Variants in HEATR1 observed in about 807,000 individuals in gnomAD.
The protein encoded by HEATR1 is HEAT repeat containing 1, also known as HEAT repeat-containing protein 1.
HEATR1 carries 77 observed loss-of-function variants against 248.2 expected under a neutral mutation model. The ratio of observed to expected loss-of-function variants is 0.31; its 90% CI spans 0.26 to 0.37. The LOEUF is 0.37. Among genes scored for constraint, HEATR1 ranks in the 10% least tolerant of loss-of-function variants. The pLI is 1.00. For missense variants in HEATR1, 2,420 were observed against 2,504.9 expected (o/e 0.97, Z 0.72); for synonymous variants, 897 against 923.1 (o/e 0.97, Z 0.51).
Position 236,549,586 on chromosome 1 carries a change from C to T in HEATR1, c.*1316G>A, listed in dbSNP as rs1662619801. On this transcript the variant is annotated 3_prime_UTR_variant, in exon 45 of 45. Coordinates refer to ENST00000366582, the MANE Select transcript of HEATR1 (RefSeq NM_018072.6). ...AGCCCTTAATTCTTTTCCAGCTTTT[C>T]ATATTAATGTATGCAGAGTCTCACC... The T allele has an allele frequency of 6.6e-6, 1 of 152,130 alleles. No individual in the cohort carries two copies. Among genetic ancestry groups the T allele is most frequent in the Non-Finnish European group, 1.5e-5 (1 of 68,044 alleles). 9.4% of individuals were successfully genotyped at this position (152,130 alleles called of 1,614,324 possible).
In HEATR1 at chr1:236,590,851, G is replaced by A. The variant is rs759640931; in HGVS notation, c.1526C>T (p.Ser509Leu). The A allele has an allele frequency of 2.1e-6, 3 of 1,457,114 alleles. No individual in the cohort carries two copies. In the Admixed American group the frequency reaches 6.5e-5, roughly 32 times the overall value. The allele number at this position is 1,457,114 out of a possible 1,614,324, so 90.3% of individuals were successfully genotyped here. A position where few individuals can be genotyped will look rare whatever the true frequency, so the allele number is the denominator to read the frequency against. The stretch of plus-strand genomic sequence containing the variant: ...AAAAAGCGATCTGAAACAAACCTTT[G>A]ATGTTTTCATGATCTTTTTCAAATG... ...MNHLKKIMKT[S>L]KEGVDESFIK... Residue 509 changes from serine (S) to leucine (L), a missense_variant, in exon 12 of 45, where the codon TCA (serine) becomes TTA (leucine). By Grantham distance (145) the Ser-to-Leu change is moderately radical. Coordinates refer to ENST00000366582, the MANE Select transcript of HEATR1 (RefSeq NM_018072.6).
chr1:236,566,959 AGATG>A, intron 29 of HEATR1, 83 bp from the exon 30 acceptor site: 1 of 853,634 alleles, frequency 1.2e-6, no homozygotes, highest in Non-Finnish European at 1.9e-6. Context: ...TAAGGCTTTT[AGATG>A]GGCCCCAAGA....
In HEATR1 at chr1:236,574,039, T is replaced by A. The variant is rs1663500218; in HGVS notation, c.3459+163A>T. 3.4e-5 allele frequency: 17 copies of A among 501,742 alleles called. 1 individual carries two copies. In the East Asian group the frequency reaches 5.9e-4, roughly 18 times the overall value. 31.1% of individuals were successfully genotyped at this position (501,742 alleles called of 1,614,324 possible). On this transcript the variant is annotated intron_variant, in intron 24 of 44. Transcript: ENST00000366582. ...ATAAAATAATGGTAAAGATTTAAAA[T>A]TTTTATTTTATGCCTCTCTCTGACT...
chr1:236,551,308 T>C (rs1662731804), intron 44 of HEATR1: 1 of 306,300 alleles, frequency 3.3e-6, no homozygotes, highest in Non-Finnish European at 6.1e-6. Flanking sequence ...GAATGTACTT[T>C]TGTAGCTTAG....
At chr1:236,577,453 T>C (rs1663592817) in intron 20 of HEATR1, among the ~76,000 whole-genome samples, 2 of 149,670 alleles carry the variant, frequency 1.3e-5, no homozygotes, top group African/African-American at 4.9e-5. Flanking sequence ...TTGCGAATGT[T>C]TTCCATAAGT....
chr1:236,575,480 C>T (rs1052131932), intron 22 of HEATR1, among the ~76,000 whole-genome samples: 3 of 152,168 alleles, frequency 2.0e-5, no homozygotes, highest in Non-Finnish European at 2.9e-5. Context: ...TGTGTGGCCC[C>T]AAAAGCATAA....
intron 43 of HEATR1, 44 bp from the exon 44 acceptor site, chr1:236,552,151 G>A (rs1662777385): frequency 7.8e-7 from 1 of 1,286,270 alleles, no homozygotes; most frequent in Non-Finnish European, 1.1e-6. Context: ...TAGTGTTACT[G>A]TATTTATTAT....
rs1663420537 is a variant in HEATR1, at chr1:236,571,384, A to G, written c.3915T>C (p.Leu1305=). The change falls in exon 28 of 45, where the codon CTT becomes CTC. Residue 1305 remains leucine (L), a synonymous_variant. Coordinates refer to ENST00000366582, the MANE Select transcript of HEATR1 (RefSeq NM_018072.6). ...SEMPQTHHHA[L]LLLGTVAGIF... ...TTCCAGCAACAGTGCCCAAAAGTAAAAGGGCATGGTGATGGGTCTGCGGCA... is the reference window on the plus strand; with the variant it reads ...TTCCAGCAACAGTGCCCAAAAGTAAGAGGGCATGGTGATGGGTCTGCGGCA... 6.2e-7 allele frequency: 1 copy of G among 1,605,236 alleles called. No homozygotes were observed. The highest frequency in any genetic ancestry group is 1.3e-5 in the African/African-American group (1 of 74,224).
At chr1:236,553,440 C>T (rs977667167) in intron 43 of HEATR1, 141 bp downstream of exon 43, 2 of 819,962 alleles carry the variant, frequency 2.4e-6, no homozygotes, top group South Asian at 2.8e-5. Context: ...TACAAAAGAC[C>T]GGACCTCTAG....
At position 236,592,540 on chromosome 1, in the gene HEATR1, A is replaced by T; in HGVS notation, c.1287T>A (p.Ile429=). The T allele has an allele frequency of 7.0e-7, 1 of 1,433,234 alleles. No individual in the cohort carries two copies. Among genetic ancestry groups the T allele is most frequent in the Non-Finnish European group, 9.8e-7 (1 of 1,018,496 alleles). The allele number at this position is 1,433,234 out of a possible 1,614,324, so 88.8% of individuals were successfully genotyped here. The part of the protein sequence containing the change: ...SLLNEQFLPL[I]RLLESKYPRT... ...TAACTTACTTGCTTTCTAAAAGCCT[A>T]ATGAGTGGAAGAAATTGTTCATTAA... is the stretch of plus-strand genomic sequence containing the variant. The change falls in exon 10 of 45, where the codon ATT becomes ATA. Residue 429 remains isoleucine, a synonymous_variant. Transcript: ENST00000366582.
chr1:236,584,433 C>G (rs972756863), intron 17 of HEATR1, among the ~76,000 whole-genome samples: 1 of 152,090 alleles, frequency 6.6e-6, no homozygotes, highest in Non-Finnish European at 1.5e-5. Context: ...AGATATAATT[C>G]ATTTAGTAAA....
At chr1:236,572,646 T>C (rs1663458889) in intron 25 of HEATR1, 79 bp downstream of exon 25, 1 of 1,594,014 alleles carries the variant, frequency 6.3e-7, no homozygotes, top group Non-Finnish European at 8.6e-7. Flanking sequence ...AATTGATGAG[T>C]ATCAAAAAGT....
Position 236,556,511 on chromosome 1 carries a change from G to T in HEATR1, c.5356-253C>A, listed in dbSNP as rs1414314585. 5.9e-5 allele frequency among the ~76,000 whole-genome samples: 9 copies of T among 152,336 alleles called. No homozygotes were observed. In the East Asian group the frequency reaches 1.7e-3, roughly 29 times the overall value. ...ACGCACACACAGCACCCAGACAGAT[G>T]ATTTTCTTAGAGGACAGGAATGCAA... On this transcript the variant is annotated intron_variant, in intron 37 of 44. Transcript: ENST00000366582.
Position 236,588,348 on chromosome 1 carries a change from C to T in HEATR1, c.1531-305G>A, listed in dbSNP as rs115990318. On this transcript the variant is annotated intron_variant, in intron 12 of 44. Coordinates refer to ENST00000366582, the MANE Select transcript of HEATR1 (RefSeq NM_018072.6). ...ATTAAAGTGAGAGCCCAGATATTGA[C>T]GGGATATAGACTAAAGAATAAGAAT... Among the ~76,000 whole-genome samples, 591 of 152,276 alleles carry T rather than the reference C, an allele frequency of 3.9e-3. 2 individuals carry two copies. Among genetic ancestry groups the T allele is most frequent in the African/African-American group, 0.013 (560 of 41,548 alleles).
intron 14 of HEATR1, 53 bp from the exon 15 acceptor site, chr1:236,586,505 T>C (rs544575272): frequency 3.2e-5 from 40 of 1,246,378 alleles, no homozygotes; most frequent in Non-Finnish European, 4.5e-5. Context: ...AGGCTTCAAT[T>C]GGGCAAAAAT....
Position 236,574,670 on chromosome 1 carries a change from G to C in HEATR1, c.3318C>G (p.Ala1106=), listed in dbSNP as rs769933554. 36 of 1,612,372 alleles carry C rather than the reference G, an allele frequency of 2.2e-5. No individual in the cohort carries two copies. The South Asian group carries it at 4.0e-4, about 18-fold the overall frequency. ...YAGMPTIQIT[A]LEKITKPFFA... ...GAAAGAAATCACTGACCTTTTCAAG[G>C]GCTGTGATCTGAATGGTTGGCATTC... Residue 1106 remains alanine (A), a synonymous_variant, in exon 23 of 45, where the codon GCC becomes GCG. Transcript: ENST00000366582.
In HEATR1 at chr1:236,576,774, G is replaced by A. The variant is rs1183438634; in HGVS notation, c.2925+6C>T. 3 of 1,605,842 alleles carry A rather than the reference G, an allele frequency of 1.9e-6. No individual in the cohort carries two copies. Among genetic ancestry groups the A allele is most frequent in the Non-Finnish European group, 2.6e-6 (3 of 1,176,196 alleles). On this transcript the variant is annotated splice_donor_region_variant and intron_variant, in intron 21 of 44. Coordinates refer to ENST00000366582, the MANE Select transcript of HEATR1 (RefSeq NM_018072.6). Reference sequence around the variant, plus strand: ...CACACTCAATCTTCTTTGCTAACGAGCTTACCTGAATAACATAGGCAGCAT... The same window carrying A: ...CACACTCAATCTTCTTTGCTAACGAACTTACCTGAATAACATAGGCAGCAT...
chr1:236,570,964 T>C (rs916914768), intron 28 of HEATR1, among the ~76,000 whole-genome samples: 4 of 152,236 alleles, frequency 2.6e-5, no homozygotes, highest in African/African-American at 9.6e-5. Context: ...TTTTCTGAAG[T>C]CACTGGTTAA....
At chr1:236,563,249 G>A (rs1321664962) in intron 32 of HEATR1, among the ~76,000 whole-genome samples, 1 of 152,026 alleles carries the variant, frequency 6.6e-6, no homozygotes, top group Non-Finnish European at 1.5e-5. Flanking sequence ...CATCTATCCT[G>A]CACTGCTGAG....
Sources: allele counts gnomAD v4.1 joint callset (sites outside exome capture counted in the v4.1 genomes callset), GRCh38; gene constraint gnomAD v4.1.1; transcripts MANE v1.5; gene names NCBI Gene and HGNC (gene_info 2026-07-23, HGNC 2026-07-21).